RAB23: variants seen among roughly 807,000 people sequenced by gnomAD.
The protein encoded by RAB23 is ras-related protein Rab-23.
In RAB23, 15 loss-of-function variants were observed where a neutral mutation model predicts 30.0. The ratio of observed to expected loss-of-function variants is 0.50; its 90% CI spans 0.33 to 0.77. RAB23 has a LOEUF of 0.77. RAB23 is among the 30% of genes least tolerant of loss of function. The pLI is 0.02. For synonymous variants in RAB23, 93 were observed against 94.0 expected, an observed-to-expected ratio of 0.99 and a Z score of 0.06; for missense variants, 243 against 275.4, an observed-to-expected ratio of 0.88 and a Z score of 0.83.
At chr6:57,198,646 A>G (rs981254776) in intron 3 of RAB23, among the ~76,000 whole-genome samples, 1 of 151,734 alleles carries the variant, frequency 6.6e-6, no homozygotes, top group Non-Finnish European at 1.5e-5. Flanking sequence ...GTGCCACCGC[A>G]CTCCAGCATG....
intron 6 of RAB23, among the ~76,000 whole-genome samples, chr6:57,191,662 C>G (rs533634479): frequency 6.6e-6 from 1 of 152,210 alleles, no homozygotes; most frequent in African/African-American, 2.4e-5. Context: ...GTTACCCAGG[C>G]TGGTCTCAAA....
At chr6:57,204,521 A>C (rs959426954) in intron 3 of RAB23, among the ~76,000 whole-genome samples, 8 of 152,236 alleles carry the variant, frequency 5.3e-5, no homozygotes, top group African/African-American at 1.7e-4. Flanking sequence ...TTGAAAAAAT[A>C]ATTCATAACT....
chr6:57,207,597 A>C (rs1167112130), intron 3 of RAB23, 31 bp downstream of exon 3: 1 of 1,505,210 alleles, frequency 6.6e-7, no homozygotes, highest in Non-Finnish European at 9.2e-7. Context: ...ATATGCCCAA[A>C]CAAAATAAAT....
rs753397635 is a variant in RAB23 at position 57,196,453 on chromosome 6, T to G, written c.395A>C (p.Lys132Thr). The G allele has an allele frequency of 1.6e-5, 26 of 1,614,026 alleles. No individual in the cohort carries two copies. Among genetic ancestry groups the G allele is most frequent in the Non-Finnish European group, 2.1e-5 (25 of 1,179,956 alleles). ...TCCCCAAAAGTAGCCATCTTACTTCTTTATACAAGAATCATCCAGAAGATC... is the reference window on the plus strand; with the variant it reads ...TCCCCAAAAGTAGCCATCTTACTTCGTTATACAAGAATCATCCAGAAGATC... ...KIDLLDDSCI[K>T]NEEAEALAKR... is the part of the protein sequence containing the mutation. Residue 132 changes from lysine (K) to threonine (T), a missense_variant, in exon 4 of 7, where the codon AAG (lysine) becomes ACG (threonine). Physicochemically the swap from Lys to Thr is moderately conservative, Grantham distance 78. Transcript: ENST00000468148.
In RAB23 at chr6:57,196,527, T is replaced by TACTTTCTCTCTCC; in HGVS notation, c.308_320dup (p.Val108GlufsTer21). On this transcript the variant is annotated frameshift_variant, in exon 4 of 7. Coordinates refer to ENST00000468148, the MANE Select transcript of RAB23 (RefSeq NM_016277.5). LOFTEE classifies it high-confidence loss of function. ...TTGGTATATCTCCCACTTCGGCTAC[T>TACTTTCTCTCTCC]ACTTTCTCTCTCCAACTGGAAACTG... is the stretch of plus-strand genomic sequence containing the variant. The TACTTTCTCTCTCC allele has an allele frequency of 6.2e-7, 1 of 1,614,070 alleles. No individual in the cohort carries two copies.
chr6:57,191,543 G>A (rs1279274615), intron 6 of RAB23, among the ~76,000 whole-genome samples: 1 of 151,938 alleles, frequency 6.6e-6, no homozygotes, highest in Non-Finnish European at 1.5e-5. Flanking sequence ...TCCGCCTCTT[G>A]GAGTCAATTG....
Position 57,196,203 on chromosome 6 carries a change from T to C in RAB23, c.398+247A>G, listed in dbSNP as rs1032502421. On this transcript the variant is annotated intron_variant, in intron 4 of 6. Coordinates refer to ENST00000468148, the MANE Select transcript of RAB23 (RefSeq NM_016277.5). ...CTTGTGCAAAGACCTGAGATTAGAA[T>C]TCTAAAAGAGCCTTCAAATTTTAAT... 3.3e-5 allele frequency among the ~76,000 whole-genome samples: 5 copies of C among 152,200 alleles called. 1 individual carries two copies. Among genetic ancestry groups the C allele is most frequent in the South Asian group, 4.1e-4 (2 of 4,836 alleles).
chr6:57,206,731 A>C (rs2128002415), intron 3 of RAB23, among the ~76,000 whole-genome samples: 1 of 152,334 alleles, frequency 6.6e-6, no homozygotes, highest in East Asian at 1.9e-4. Flanking sequence ...ATATGGGTAA[A>C]AAGCCTCCCT....
intron 1 of RAB23, among the ~76,000 whole-genome samples, chr6:57,210,828 G>A (rs781699941): frequency 1.3e-5 from 2 of 152,144 alleles, no homozygotes; most frequent in African/African-American, 4.8e-5. Context: ...CATCTCATAC[G>A]GTTATTGATC....
In RAB23 at chr6:57,207,706, CATT is replaced by C. The variant is rs1765499803; in HGVS notation, c.160_162del (p.Asn54del). 6.3e-7 allele frequency: 1 copy of C among 1,590,764 alleles called. No individual in the cohort carries two copies. Among genetic ancestry groups the C allele is most frequent in the Non-Finnish European group, 8.6e-7 (1 of 1,159,676 alleles). On this transcript the variant is annotated inframe_deletion, in exon 3 of 7. Coordinates refer to ENST00000468148, the MANE Select transcript of RAB23 (RefSeq NM_016277.5). ...CATAACATTAGTCTGACATCTTCAT[CATT>C]AACTCTAAAACAAGAGATGAATTTA... is the stretch of plus-strand genomic sequence containing the variant.
In RAB23 at chr6:57,187,366, A is replaced by G. The variant is rs1764640633; in HGVS notation, c.*3095T>C. The G allele has an allele frequency of 6.6e-6, 1 of 152,150 alleles. No homozygotes were observed. The highest frequency in any genetic ancestry group is 2.4e-5 in the African/African-American group (1 of 41,442). 9.4% of individuals were successfully genotyped at this position (152,150 alleles called of 1,614,324 possible). ...GTTTTAAATATTTTGTTAGCAAATG[A>G]ATTCATCTGTATGATGAGAGACTTA... is the stretch of plus-strand genomic sequence containing the variant. On this transcript the variant is annotated 3_prime_UTR_variant, in exon 7 of 7. Transcript: ENST00000468148.
Position 57,196,617 on chromosome 6 carries a change from A to ACAATCAAT in RAB23, c.242-19_242-12dup, listed in dbSNP as rs45542438. ...CACAAGCCTGGGCTCCTGTAAGTTC[A>ACAATCAAT]CAATCAATCAATCAATCAATCAAGG... On this transcript the variant is annotated splice_polypyrimidine_tract_variant and intron_variant, in intron 3 of 6. Coordinates refer to ENST00000468148, the MANE Select transcript of RAB23 (RefSeq NM_016277.5). 9 of 1,612,154 alleles carry ACAATCAAT rather than the reference A, an allele frequency of 5.6e-6. No individual in the cohort carries two copies. Among genetic ancestry groups the ACAATCAAT allele is most frequent in the African/African-American group, 1.3e-5 (1 of 74,852 alleles).
intron 2 of RAB23, 93 bp downstream of exon 2, chr6:57,210,133 G>A (rs1220767236): frequency 1.6e-5 from 22 of 1,407,350 alleles, no homozygotes; most frequent in Admixed American, 1.1e-4. Flanking sequence ...GCCACACCTC[G>A]AAATCCACTG....
Position 57,193,890 on chromosome 6 carries a change from GTTGT to G in RAB23, c.522_525del (p.Lys174AsnfsTer3), listed in dbSNP as rs1764929199. 3 of 1,612,736 alleles carry G rather than the reference GTTGT, an allele frequency of 1.9e-6. No individual in the cohort carries two copies. The highest frequency in any genetic ancestry group is 1.7e-5 in the Admixed American group (1 of 59,944). ...GTTAGTTCTGGATCCTCAGCTATTT[GTTGT>G]TTGAGTTTCTGAAGGTATTTTTCAG... On this transcript the variant is annotated frameshift_variant, in exon 6 of 7. Coordinates refer to ENST00000468148, the MANE Select transcript of RAB23 (RefSeq NM_016277.5). LOFTEE classifies it high-confidence loss of function.
At chr6:57,198,118 A>AT (rs1294325275) in intron 3 of RAB23, among the ~76,000 whole-genome samples, 3 of 152,178 alleles carry the variant, frequency 2.0e-5, no homozygotes, top group Non-Finnish European at 2.9e-5. Context: ...ATAATGCAAA[A>AT]TACAGAAAGA....
At chr6:57,212,879 G>A (rs1427704008) in intron 1 of RAB23, among the ~76,000 whole-genome samples, 17 of 152,006 alleles carry the variant, frequency 1.1e-4, no homozygotes, top group Admixed American at 1.1e-3. Flanking sequence ...GCGAGGCCCT[G>A]TCTAAAAAAC....
intron 6 of RAB23, among the ~76,000 whole-genome samples, chr6:57,192,859 A>G (rs910459126): frequency 6.6e-6 from 1 of 151,936 alleles, no homozygotes; most frequent in African/African-American, 2.4e-5. Context: ...TCAATAGAAG[A>G]AAAAAAATGA....
At chr6:57,215,879 G>T (rs1765817233) in intron 1 of RAB23, among the ~76,000 whole-genome samples, 1 of 152,100 alleles carries the variant, frequency 6.6e-6, no homozygotes, top group Admixed American at 6.5e-5. Flanking sequence ...AAGGATAAAG[G>T]ACTATAAAGG....
At chr6:57,196,350 G>A in intron 4 of RAB23, 100 bp downstream of exon 4, 2 of 1,363,078 alleles carry the variant, frequency 1.5e-6, no homozygotes, top group Non-Finnish European at 1.0e-6. Context: ...CAAAATGAAA[G>A]TATAGAATTT....
Sources: gnomAD v4.1 joint callset for allele counts (sites outside exome capture counted in the v4.1 genomes callset) on GRCh38, gnomAD v4.1.1 for gene constraint, MANE v1.5 for transcripts, NCBI Gene and HGNC (gene_info 2026-07-23, HGNC 2026-07-21) for gene names.